Variants in MTERF4 observed in about 807,000 individuals in gnomAD.
The protein encoded by MTERF4 is mitochondrial transcription termination factor 4, also known as transcription termination factor 4, mitochondrial.
In MTERF4, 17 loss-of-function variants were observed where a neutral mutation model predicts 22.5. That is an observed-to-expected ratio of 0.75 (90% CI 0.52 to 1.13). MTERF4 has a LOEUF of 1.13. Ranked by LOEUF, MTERF4 falls within the 50% of genes most tolerant of loss-of-function variation. MTERF4 has a pLI of 0.00. For missense variants in MTERF4, 420 were observed against 466.8 expected (o/e 0.90, Z 0.92); for synonymous variants, 165 against 175.3 (o/e 0.94, Z 0.47).
At chr2:241,065,050 G>T in the MTERF4 span, 2 of 1,028,244 alleles carry the variant, frequency 1.9e-6, no homozygotes, top group Non-Finnish European at 2.8e-6. Flanking sequence ...GCGTCTGGCC[G>T]CTGCTTGCCC....
the MTERF4 span, among the ~76,000 whole-genome samples, chr2:241,062,445 T>C: frequency 1.3e-5 from 2 of 152,238 alleles, no homozygotes; most frequent in Non-Finnish European, 2.9e-5. Context: ...CACAGGTGAC[T>C]ATTATACATT....
the MTERF4 span, among the ~76,000 whole-genome samples, chr2:241,046,114 G>A: frequency 6.6e-6 from 1 of 152,100 alleles, no homozygotes; most frequent in Non-Finnish European, 1.5e-5. Flanking sequence ...GCCACTACGA[G>A]GAATCACAAC....
At chr2:241,087,979 A>C, downstream of MTERF4, 1 of 400,878 alleles carries the variant, frequency 2.5e-6, no homozygotes, top group Non-Finnish European at 4.4e-6. Context: ...ATGAGTAGCC[A>C]CACGTACTTG....
chr2:241,087,544 G>A (rs2063646538), downstream of MTERF4: 2 of 1,531,684 alleles, frequency 1.3e-6, no homozygotes, highest in Non-Finnish European at 1.8e-6. Flanking sequence ...CAAGGGCGGG[G>A]TGCTATGGGA....
chr2:241,087,941 C>T (rs186624394), downstream of MTERF4: 5 of 404,246 alleles, frequency 1.2e-5, no homozygotes, highest in Admixed American at 8.4e-5. Context: ...ACCACAGAGT[C>T]GAAGCCTGTC....
At chr2:241,069,858 G>A (rs13000549), downstream of MTERF4, 18 of 1,562,150 alleles carry the variant, frequency 1.2e-5, no homozygotes, top group African/African-American at 5.4e-5. This position sits in a 1 kb window ranked among gnomAD's most constrained non-coding sequence, Gnocchi z 4.9. Context: ...TTCTCAAACC[G>A]TGTTCTTGCC....
the MTERF4 span, among the ~76,000 whole-genome samples, chr2:241,059,210 CAT>C: frequency 6.6e-6 from 1 of 152,176 alleles, no homozygotes; most frequent in Non-Finnish European, 1.5e-5. Context: ...TAATAGAAAA[CAT>C]ATACAGCCTT....
chr2:241,072,334 C>G (rs1447579953), exon 5 of MTERF4: 5 of 405,516 alleles, frequency 1.2e-5, no homozygotes, highest in African/African-American at 4.1e-5. Flanking sequence ...GGCTGATGGG[C>G]CCAGGTGCCT....
At chr2:241,082,277 C>G, downstream of MTERF4, 1 of 1,603,166 alleles carries the variant, frequency 6.2e-7, no homozygotes, top group South Asian at 1.1e-5. Flanking sequence ...TTTGTCGCAG[C>G]CTGTATAAAG....
At chr2:241,067,243 A>G (rs1321369059), downstream of MTERF4, among the ~76,000 whole-genome samples, 3 of 152,230 alleles carry the variant, frequency 2.0e-5, no homozygotes, top group African/African-American at 4.8e-5. Flanking sequence ...TGCCTGGTGC[A>G]TCAGCAGTGG....
the MTERF4 span, chr2:241,049,195 G>C: frequency 4.4e-6 from 6 of 1,349,462 alleles, no homozygotes; most frequent in Middle Eastern, 1.9e-4. Flanking sequence ...CAGGGAGAAA[G>C]CGGTGGATGA....
downstream of MTERF4, chr2:241,094,393 A>G (rs557908059): frequency 1.7e-5 from 8 of 471,240 alleles, no homozygotes; most frequent in East Asian, 3.5e-4. The surrounding 1 kb of genome is among the most constrained non-coding windows in gnomAD (Gnocchi z 4.3). Context: ...TTGCAAAACA[A>G]AAGTCTTTTT....
rs781687922 is a variant in MTERF4 at position 241,099,850 on chromosome 2, C to T, written c.66G>A (p.Met22Ile). 21 of 1,613,780 alleles carry T rather than the reference C, an allele frequency of 1.3e-5. No individual in the cohort carries two copies. The highest frequency in any genetic ancestry group is 1.7e-5 in the Non-Finnish European group (20 of 1,180,046). The change falls in exon 2 of 4, where the codon ATG becomes ATA. Residue 22 changes from methionine to isoleucine, a missense_variant. Met to Ile is a conservative substitution (Grantham distance 10). Coordinates refer to ENST00000391980, the MANE Select transcript of MTERF4 (RefSeq NM_182501.4). ...CTCCAAGATGAGGAGTCTGCCTAGCCATACAGGCCCAGGTGAGGGGGATCA... is the reference window on the plus strand; with the variant it reads ...CTCCAAGATGAGGAGTCTGCCTAGCTATACAGGCCCAGGTGAGGGGGATCA... ...HRLIPLTWAC[M>I]ARQTPHLGEQ...
chr2:241,067,896 T>G (rs2062529365), downstream of MTERF4: 1 of 1,613,384 alleles, frequency 6.2e-7, no homozygotes, highest in East Asian at 2.2e-5. Flanking sequence ...CCTGAGGCCC[T>G]CAGGGACCAG....
chr2:241,058,356 A>G, the MTERF4 span, among the ~76,000 whole-genome samples: 7 of 152,188 alleles, frequency 4.6e-5, no homozygotes, highest in African/African-American at 1.7e-4. Flanking sequence ...AAACTTGATT[A>G]ATTAAATGTC....
chr2:241,090,512 G>C (rs1400735587), downstream of MTERF4: 1 of 1,474,706 alleles, frequency 6.8e-7, no homozygotes, highest in Non-Finnish European at 9.0e-7. Flanking sequence ...TTATCATCAA[G>C]TATTATGTAC....
At chr2:241,058,857 G>A in the MTERF4 span, among the ~76,000 whole-genome samples, 1 of 152,098 alleles carries the variant, frequency 6.6e-6, no homozygotes, top group Non-Finnish European at 1.5e-5. Context: ...GGCTGAGGCA[G>A]GAGAATGGTG....
At chr2:241,071,942 C>A, downstream of MTERF4, 1 of 1,312,072 alleles carries the variant, frequency 7.6e-7, no homozygotes, top group Non-Finnish European at 1.1e-6. Flanking sequence ...CCACTCTCAC[C>A]AGGTCCTGTC....
intron 4 of MTERF4, among the ~76,000 whole-genome samples, chr2:241,079,019 CAGA>C (rs1410601030): frequency 1.3e-5 from 2 of 149,222 alleles, no homozygotes; most frequent in Non-Finnish European, 2.9e-5. Context: ...GAGGCTGAGG[CAGA>C]AGAATTGCTT....
Sources: allele counts gnomAD v4.1 joint callset (sites outside exome capture counted in the v4.1 genomes callset), GRCh38; gene constraint gnomAD v4.1.1; non-coding constraint Gnocchi (gnomAD v3.1); transcripts MANE v1.5; gene names NCBI Gene and HGNC (gene_info 2026-07-23, HGNC 2026-07-21).